Variants in FNTB observed in about 807,000 individuals in gnomAD.
FNTB encodes protein farnesyltransferase subunit beta.
In FNTB, 27 loss-of-function variants were observed where a neutral mutation model predicts 59.4. That is an observed-to-expected ratio of 0.45 (90% CI 0.34 to 0.63). The LOEUF is 0.63. Among genes scored for constraint, FNTB ranks in the 20% least tolerant of loss-of-function variants. FNTB has a pLI of 0.02. For synonymous variants in FNTB, 230 were observed against 220.7 expected (o/e 1.04, Z -0.37); for missense variants, 449 against 559.6 (o/e 0.80, Z 1.99).
chr14:65,017,170 G>A (rs932087537), intron 4 of FNTB, among the ~76,000 whole-genome samples: 31 of 152,026 alleles, frequency 2.0e-4, no homozygotes, highest in African/African-American at 6.3e-4. Context: ...TGATCTACCT[G>A]CCTCGGCCTC....
At chr14:65,037,911 C>T (rs966024466) in intron 7 of FNTB, among the ~76,000 whole-genome samples, 4 of 151,716 alleles carry the variant, frequency 2.6e-5, no homozygotes, top group Non-Finnish European at 5.9e-5. Flanking sequence ...TCCCAAGTAG[C>T]TGGGATTATA....
intron 1 of FNTB, among the ~76,000 whole-genome samples, chr14:64,988,900 A>G (rs776475431): frequency 1.3e-5 from 2 of 152,140 alleles, no homozygotes; most frequent in South Asian, 4.1e-4. Context: ...CACTGTTTTA[A>G]TAATCATGTT....
rs1276052765 is a variant in FNTB at position 65,027,188 on chromosome 14, G to T, written c.375-265G>T. 6.6e-6 allele frequency among the ~76,000 whole-genome samples: 1 copy of T among 152,214 alleles called. No individual in the cohort carries two copies. Among genetic ancestry groups the T allele is most frequent in the Non-Finnish European group, 1.5e-5 (1 of 68,038 alleles). ...TCTTACCCCATAGCTACGAAAGTCG[G>T]TTTCTTCCCAGCCTTGTGTTCCCTG... On this transcript the variant is annotated intron_variant, in intron 4 of 11. Transcript: ENST00000246166. This position sits in a 1 kb window ranked among gnomAD's most constrained non-coding sequence, Gnocchi z 5.7.
chr14:65,034,647 CTT>C (rs2062151219), intron 7 of FNTB, among the ~76,000 whole-genome samples: 2 of 152,108 alleles, frequency 1.3e-5, no homozygotes, highest in East Asian at 3.9e-4. Context: ...GTTTGGTTCT[CTT>C]TTATATTTTG....
rs547988037 is a variant in FNTB at position 65,062,018 on chromosome 14, T to C, written c.*706T>C. 4 of 152,776 alleles carry C rather than the reference T, an allele frequency of 2.6e-5. No individual in the cohort carries two copies. The East Asian group carries it at 7.7e-4, about 29-fold the overall frequency. The allele number at this position is 152,776 out of a possible 1,614,324, so 9.5% of individuals were successfully genotyped here. On this transcript the variant is annotated 3_prime_UTR_variant, in exon 12 of 12. Coordinates refer to ENST00000246166, the MANE Select transcript of FNTB (RefSeq NM_002028.4). The surrounding 1 kb of genome is among the most constrained non-coding windows in gnomAD (Gnocchi z 4.3). Reference sequence around the variant, plus strand: ...TGACTTAGACCTAGGAAACCAATTATGAGTGGAAAGTGACCCTCTAGTTCA... The same window carrying C: ...TGACTTAGACCTAGGAAACCAATTACGAGTGGAAAGTGACCCTCTAGTTCA...
At chr14:65,037,214 C>A (rs952135568) in intron 7 of FNTB, among the ~76,000 whole-genome samples, 1 of 151,282 alleles carries the variant, frequency 6.6e-6, no homozygotes, top group African/African-American at 2.4e-5. Flanking sequence ...AGCAATTCTC[C>A]TGCCTCAGCC....
rs143016249 is a variant in FNTB, at chr14:65,028,677, A to G, written c.605+896A>G. On this transcript the variant is annotated intron_variant, in intron 6 of 11. Coordinates refer to ENST00000246166, the MANE Select transcript of FNTB (RefSeq NM_002028.4). The surrounding 1 kb of genome is among the most constrained non-coding windows in gnomAD (Gnocchi z 4.4). ...ATCAGGCTGCAAAGGCCTTTAGTTC[A>G]AGATGTTCTTCTATCTCTAACTTGT... 1.4e-3 allele frequency among the ~76,000 whole-genome samples: 216 copies of G among 152,346 alleles called. 3 individuals carry two copies. The highest frequency in any genetic ancestry group is 1.6e-4 in the Non-Finnish European group (11 of 68,030).
At position 64,991,382 on chromosome 14, in the gene FNTB, A is replaced by C. The variant is rs1170469202; in HGVS notation, c.144+4285A>C. Among the ~76,000 whole-genome samples the C allele has an allele frequency of 6.6e-6, 1 of 152,152 alleles. No homozygotes were observed. The highest frequency in any genetic ancestry group is 1.5e-5 in the Non-Finnish European group (1 of 68,020). On this transcript the variant is annotated intron_variant, in intron 1 of 11. Coordinates refer to ENST00000246166, the MANE Select transcript of FNTB (RefSeq NM_002028.4). The surrounding 1 kb of genome is among the most constrained non-coding windows in gnomAD (Gnocchi z 4.4). ...TTTGGGAGGCTGAGGCTGGCGGATC[A>C]CTGGAGGTCAGGAGTTTGAGACCAG...
Position 65,027,837 on chromosome 14 carries a change from A to T in FNTB, c.605+56A>T. On this transcript the variant is annotated intron_variant, in intron 6 of 11. Transcript: ENST00000246166. The surrounding 1 kb of genome is among the most constrained non-coding windows in gnomAD (Gnocchi z 5.7). ...CAGTTGACTCTAGAGCTCATCTGCC[A>T]TTAGAGATGCCAAGCCTAAGGAACA... 2 of 1,607,114 alleles carry T rather than the reference A, an allele frequency of 1.2e-6. No individual in the cohort carries two copies. Among genetic ancestry groups the T allele is most frequent in the Non-Finnish European group, 8.5e-7 (1 of 1,175,178 alleles).
intron 4 of FNTB, chr14:65,022,033 C>T (rs1389619250): frequency 1.1e-5 from 5 of 455,956 alleles, no homozygotes; most frequent in Non-Finnish European, 2.2e-5. Flanking sequence ...TCAAATAACA[C>T]GTCTGACTCT....
In FNTB at chr14:65,061,442, T is replaced by A; in HGVS notation, c.*130T>A. ...AGTGGAGCTGTGGTTCTCTTGGTACTTTCTTGTCAAACAAAACCAATGGCT... is the reference window on the plus strand; with the variant it reads ...AGTGGAGCTGTGGTTCTCTTGGTACATTCTTGTCAAACAAAACCAATGGCT... On this transcript the variant is annotated 3_prime_UTR_variant, in exon 12 of 12. Coordinates refer to ENST00000246166, the MANE Select transcript of FNTB (RefSeq NM_002028.4). 3.5e-6 allele frequency: 5 copies of A among 1,410,910 alleles called. No individual in the cohort carries two copies. Among genetic ancestry groups the A allele is most frequent in the Non-Finnish European group, 4.7e-6 (5 of 1,070,694 alleles). 87.4% of individuals were successfully genotyped at this position (1,410,910 alleles called of 1,614,324 possible). A position where few individuals can be genotyped will look rare whatever the true frequency, so the allele number is the denominator to read the frequency against.
In FNTB at chr14:65,030,391, T is replaced by G. The variant is rs1188712472; in HGVS notation, c.606-2219T>G. The stretch of plus-strand genomic sequence containing the variant: ...TAATGCATGCAGCTTCTGCAGAGAC[T>G]TCTTTGGAATACCTCAGTAAGTCTG... On this transcript the variant is annotated intron_variant, in intron 6 of 11. Transcript: ENST00000246166. The surrounding 1 kb of genome is among the most constrained non-coding windows in gnomAD (Gnocchi z 4.5). Among the ~76,000 whole-genome samples the G allele has an allele frequency of 6.6e-6, 1 of 152,194 alleles. No homozygotes were observed. The highest frequency in any genetic ancestry group is 6.5e-5 in the Admixed American group (1 of 15,274).
At chr14:65,035,812 G>A (rs1477840888) in intron 7 of FNTB, among the ~76,000 whole-genome samples, 2 of 151,738 alleles carry the variant, frequency 1.3e-5, no homozygotes, top group Non-Finnish European at 2.9e-5. Context: ...AGGATTACAG[G>A]CATGAGCCAC....
rs1197166932 is a variant in FNTB, at chr14:65,044,035, TGGCACTGC to T, written c.823-275_823-268del. On this transcript the variant is annotated intron_variant, in intron 8 of 11. Coordinates refer to ENST00000246166, the MANE Select transcript of FNTB (RefSeq NM_002028.4). The surrounding 1 kb of genome is among the most constrained non-coding windows in gnomAD (Gnocchi z 5.5). ...CTTGGCCTCTTTATCTTCTCAGCAC[TGGCACTGC>T]TTTGGAACCCAGGAAAAGGTAGTTG... Among the ~76,000 whole-genome samples the T allele has an allele frequency of 6.6e-6, 1 of 152,156 alleles. No homozygotes were observed. Among genetic ancestry groups the T allele is most frequent in the Non-Finnish European group, 1.5e-5 (1 of 68,024 alleles).
rs2061683728 is a variant in FNTB at position 65,011,514 on chromosome 14, A to G, written c.210-803A>G. The stretch of plus-strand genomic sequence containing the variant: ...TGGGAATTTGATAAACAATTGTGGA[A>G]TTGACTACCTAGCAAAGGGAATGGT... On this transcript the variant is annotated intron_variant, in intron 2 of 11. Transcript: ENST00000246166. The surrounding 1 kb of genome is among the most constrained non-coding windows in gnomAD (Gnocchi z 4.0). 6.6e-6 allele frequency among the ~76,000 whole-genome samples: 1 copy of G among 151,920 alleles called. No individual in the cohort carries two copies. Among genetic ancestry groups the G allele is most frequent in the Non-Finnish European group, 1.5e-5 (1 of 68,010 alleles).
intron 7 of FNTB, among the ~76,000 whole-genome samples, chr14:65,039,146 AGT>A (rs2062285746): frequency 6.6e-6 from 1 of 152,158 alleles, no homozygotes; most frequent in Non-Finnish European, 1.5e-5. Flanking sequence ...GCTCTGCGAG[AGT>A]GGGCAGGATC....
rs1218930165 is a variant in FNTB at position 64,995,100 on chromosome 14, A to C, written c.144+8003A>C. On this transcript the variant is annotated intron_variant, in intron 1 of 11. Coordinates refer to ENST00000246166, the MANE Select transcript of FNTB (RefSeq NM_002028.4). The stretch of plus-strand genomic sequence containing the variant: ...TTAAACTTCTTTGTTAAAAACCAAG[A>C]CACAAACGCACACATTAGCCTGGAC... 2.0e-5 allele frequency among the ~76,000 whole-genome samples: 3 copies of C among 152,172 alleles called. No individual in the cohort carries two copies. The East Asian group carries it at 5.8e-4, about 29-fold the overall frequency.
rs564077572 is a variant in FNTB, at chr14:65,028,442, T to C, written c.605+661T>C. 8.5e-5 allele frequency among the ~76,000 whole-genome samples: 13 copies of C among 152,370 alleles called. No homozygotes were observed. Among genetic ancestry groups the C allele is most frequent in the African/African-American group, 3.1e-4 (13 of 41,596 alleles). ...AAGACAGTGGCTTATTGAGATTTTA[T>C]GCCATTTTCTTATTATTTAGTTGAG... On this transcript the variant is annotated intron_variant, in intron 6 of 11. Coordinates refer to ENST00000246166, the MANE Select transcript of FNTB (RefSeq NM_002028.4). This position sits in a 1 kb window ranked among gnomAD's most constrained non-coding sequence, Gnocchi z 4.4.
At chr14:65,060,920 C>T (rs898131965) in intron 11 of FNTB, among the ~76,000 whole-genome samples, 4 of 144,486 alleles carry the variant, frequency 2.8e-5, no homozygotes, top group Admixed American at 2.1e-4. Context: ...ATTGTACATA[C>T]TGTTTTCTCA....
Sources: gnomAD v4.1 joint callset for allele counts (sites outside exome capture counted in the v4.1 genomes callset) on GRCh38, gnomAD v4.1.1 for gene constraint, Gnocchi (gnomAD v3.1) non-coding constraint, MANE v1.5 for transcripts, NCBI Gene and HGNC (gene_info 2026-07-23, HGNC 2026-07-21) for gene names.